The following PTK7 variants were observed in gnomAD, a reference collection of about 807,000 sequenced individuals.
PTK7 encodes the protein protein tyrosine kinase 7 (inactive).
PTK7 carries 39 observed loss-of-function variants against 116.6 expected under a neutral mutation model. The observed-to-expected ratio is 0.33, with a 90% CI of 0.26 to 0.44. The LOEUF (loss-of-function observed/expected upper bound fraction) is 0.44, where lower values mean the gene tolerates loss of function less well. Ranked by LOEUF, PTK7 falls within the 20% of genes least tolerant of loss-of-function variation. The probability of loss-of-function intolerance (pLI) is 1.00; values close to 1 mark genes in which losing one functional copy is unlikely to be tolerated. For synonymous variants in PTK7, 546 were observed against 563.6 expected (o/e 0.97, Z 0.44); for missense variants, 1,169 against 1,425.6 (o/e 0.82, Z 2.90).
chr6:43,126,571 C>G (rs1486175229), intron 1 of PTK7, among the ~76,000 whole-genome samples: 1 of 152,218 alleles, frequency 6.6e-6, no homozygotes, highest in Admixed American at 6.5e-5. Flanking sequence ...TGTGACTCCT[C>G]ATTGTAGGAT....
intron 6 of PTK7, 44 bp downstream of exon 6, chr6:43,132,208 A>G (rs1319101438): frequency 6.4e-7 from 1 of 1,559,458 alleles, no homozygotes; most frequent in South Asian, 1.2e-5. Context: ...GGCTGCCTTT[A>G]ACATTTTTGG....
At chr6:43,149,793 T>C (rs1482446099) in intron 17 of PTK7, among the ~76,000 whole-genome samples, 1 of 152,252 alleles carries the variant, frequency 6.6e-6, no homozygotes, top group Non-Finnish European at 1.5e-5. Context: ...TGATGTTTTC[T>C]ATCCTGTCCT....
chr6:43,157,364 A>ATATT (rs70990168), intron 17 of PTK7, among the ~76,000 whole-genome samples: 2 of 54,358 alleles, frequency 3.7e-5, no homozygotes, highest in Admixed American at 2.4e-4. Flanking sequence ...ATATATATAT[A>ATATT]TTTTTTTTTT....
intron 1 of PTK7, among the ~76,000 whole-genome samples, chr6:43,128,415 C>A (rs1448916964): frequency 6.6e-6 from 1 of 152,218 alleles, no homozygotes; most frequent in African/African-American, 2.4e-5. Flanking sequence ...GTTCTGTGTG[C>A]CCCTCTAGTC....
At chr6:43,090,534 T>C (rs748518298) in intron 1 of PTK7, among the ~76,000 whole-genome samples, 30 of 152,094 alleles carry the variant, frequency 2.0e-4, no homozygotes, top group Non-Finnish European at 4.3e-4. Context: ...TGGGAAAAGA[T>C]AGAGGGTTTA....
At chr6:43,128,278 G>A (rs1472938458) in intron 1 of PTK7, among the ~76,000 whole-genome samples, 2 of 152,146 alleles carry the variant, frequency 1.3e-5, no homozygotes, top group African/African-American at 4.8e-5. Flanking sequence ...CACCCTGCAG[G>A]CCCAGACTCT....
At chr6:43,160,306 G>C (rs187954526) in intron 19 of PTK7, among the ~76,000 whole-genome samples, 1 of 151,862 alleles carries the variant, frequency 6.6e-6, no homozygotes, top group Non-Finnish European at 1.5e-5. Flanking sequence ...TAGTAGAGAT[G>C]GGGGGGCTTC....
chr6:43,149,074 A>AAAAAAG (rs1770907675), intron 17 of PTK7, among the ~76,000 whole-genome samples: 1 of 146,814 alleles, frequency 6.8e-6, no homozygotes, highest in African/African-American at 2.5e-5. Context: ...AAAAAAAAAA[A>AAAAAAG]AAAAAAAGAA....
intron 1 of PTK7, among the ~76,000 whole-genome samples, chr6:43,113,157 TGTG>T (rs1462839845): frequency 6.6e-6 from 1 of 152,034 alleles, no homozygotes; most frequent in Non-Finnish European, 1.5e-5. Context: ...CTATGCCAGG[TGTG>T]GTGGCTCACA....
Position 43,129,589 on chromosome 6 carries a change from C to A in PTK7, c.368-138C>A. 1 of 767,244 alleles carries A rather than the reference C, an allele frequency of 1.3e-6. No individual in the cohort carries two copies. The highest frequency in any genetic ancestry group is 2.1e-6 in the Non-Finnish European group (1 of 467,318). 47.5% of individuals were successfully genotyped at this position (767,244 alleles called of 1,614,324 possible). A position where few individuals can be genotyped will look rare whatever the true frequency, so the allele number is the denominator to read the frequency against. ...TAGTATCTGGTAACTGTAGCCCCAG[C>A]CTCAGCCTCCAGGGCTTCCTTGTGT... On this transcript the variant is annotated intron_variant, in intron 2 of 19. Coordinates refer to ENST00000230419, the MANE Select transcript of PTK7 (RefSeq NM_002821.5). The surrounding 1 kb of genome is among the most constrained non-coding windows in gnomAD (Gnocchi z 4.5).
rs1561968567 is a variant in PTK7 at position 43,132,619 on chromosome 6, G to A, written c.1160G>A (p.Gly387Asp). ...GCCAATATTGCTGAAAGTGATGCTG[G>A]TGTCTACACCTGCCACGCGGCCAAC... The part of the protein sequence containing the change: ...VLANIAESDA[G>D]VYTCHAANLA... Residue 387 changes from glycine to aspartate, a missense_variant, in exon 7 of 20, where the codon GGT (glycine) becomes GAT (aspartate). Physicochemically the swap from Gly to Asp is moderately conservative, Grantham distance 94. This residue lies in a region of PTK7 where 487 missense variants were observed against 549.8 expected (regional missense o/e 0.89). Transcript: ENST00000230419. 6.2e-7 allele frequency: 1 copy of A among 1,605,836 alleles called. No individual in the cohort carries two copies. The highest frequency in any genetic ancestry group is 8.5e-7 in the Non-Finnish European group (1 of 1,176,434).
At chr6:43,101,772 T>G (rs116721191) in intron 1 of PTK7, among the ~76,000 whole-genome samples, 2,285 of 152,250 alleles carry the variant, frequency 0.015, 55 homozygotes, top group African/African-American at 0.051. Context: ...AACGTTGGTG[T>G]AAAAGTCTAA....
chr6:43,092,745 G>A (rs1767018842), intron 1 of PTK7, among the ~76,000 whole-genome samples: 1 of 152,150 alleles, frequency 6.6e-6, no homozygotes, highest in African/African-American at 2.4e-5. Flanking sequence ...TAACTGTGAT[G>A]GTTATCTGTG....
At chr6:43,114,838 G>A (rs752369288) in intron 1 of PTK7, among the ~76,000 whole-genome samples, 2 of 151,930 alleles carry the variant, frequency 1.3e-5, no homozygotes, top group Non-Finnish European at 2.9e-5. Context: ...TCAGGAGTTC[G>A]AGACCAGCCT....
At chr6:43,155,645 C>CAAA (rs60105248) in intron 17 of PTK7, among the ~76,000 whole-genome samples, 2 of 136,240 alleles carry the variant, frequency 1.5e-5, no homozygotes, top group Admixed American at 7.3e-5. Context: ...AAGACTCCAT[C>CAAA]AAAAAAAAAA....
chr6:43,136,278 T>C (rs867280082), intron 7 of PTK7, among the ~76,000 whole-genome samples: 1 of 150,114 alleles, frequency 6.7e-6, no homozygotes, highest in African/African-American at 2.5e-5. Context: ...GAGGTTGCAG[T>C]GAACAGAGAT....
At chr6:43,094,117 G>A (rs1767107275) in intron 1 of PTK7, among the ~76,000 whole-genome samples, 1 of 152,238 alleles carries the variant, frequency 6.6e-6, no homozygotes, top group Admixed American at 6.5e-5. Flanking sequence ...TTCGCACTCA[G>A]TATGATTGGC....
intron 7 of PTK7, among the ~76,000 whole-genome samples, chr6:43,137,295 G>A (rs530585395): frequency 6.6e-6 from 1 of 152,182 alleles, no homozygotes; most frequent in Non-Finnish European, 1.5e-5. Context: ...TTGAACAGAG[G>A]CAGTAGCGGT....
In PTK7 at chr6:43,143,864, GT is replaced by G. The variant is rs1000750038; in HGVS notation, c.2251+247del. Among the ~76,000 whole-genome samples, 3 of 152,202 alleles carry G rather than the reference GT, an allele frequency of 2.0e-5. No homozygotes were observed. The highest frequency in any genetic ancestry group is 7.2e-5 in the African/African-American group (3 of 41,454). ...GACCAGCTTCCTATGATTCCCTGCT[GT>G]TTCCTCCTCCCAGCACAAAACCACA... On this transcript the variant is annotated intron_variant, in intron 14 of 19. Coordinates refer to ENST00000230419, the MANE Select transcript of PTK7 (RefSeq NM_002821.5). This position sits in a 1 kb window ranked among gnomAD's most constrained non-coding sequence, Gnocchi z 4.2.
Sources: gnomAD v4.1 joint callset for allele counts (sites outside exome capture counted in the v4.1 genomes callset) on GRCh38, gnomAD v4.1.1 for gene constraint, gnomAD v4.1.1 regional missense constraint, Gnocchi (gnomAD v3.1) non-coding constraint, MANE v1.5 for transcripts, NCBI Gene and HGNC (gene_info 2026-07-23, HGNC 2026-07-21) for gene names.